Variants in DMXL2 observed in about 807,000 individuals in gnomAD.
DMXL2 encodes dmX-like protein 2.
DMXL2 carries 103 observed loss-of-function variants against 331.1 expected under a neutral mutation model. That is an observed-to-expected ratio of 0.31 (90% CI 0.27 to 0.37). The LOEUF (loss-of-function observed/expected upper bound fraction) is 0.37. DMXL2 is among the 10% of genes least tolerant of loss of function. The pLI, the probability that DMXL2 is intolerant of heterozygous loss-of-function variation, is 1.00. For missense variants in DMXL2, 3,171 were observed against 3,642.9 expected (o/e 0.87, Z 3.33); for synonymous variants, 1,281 against 1,252.1 (o/e 1.02, Z -0.49).
At chr15:51,590,284 A>G (rs990067949) in intron 1 of DMXL2, among the ~76,000 whole-genome samples, 2 of 152,368 alleles carry the variant, frequency 1.3e-5, no homozygotes, top group Non-Finnish European at 2.9e-5. Flanking sequence ...ACTAAAGCCA[A>G]AATGGCTTTA....
chr15:51,569,849 T>C (rs1283504668), intron 2 of DMXL2, among the ~76,000 whole-genome samples: 5 of 152,006 alleles, frequency 3.3e-5, no homozygotes, highest in East Asian at 1.9e-4. Context: ...CAGTGCAAAA[T>C]GGCTGAAAAT....
At chr15:51,501,427 T>C (rs888279949) in intron 17 of DMXL2, among the ~76,000 whole-genome samples, 2 of 152,180 alleles carry the variant, frequency 1.3e-5, no homozygotes, top group Non-Finnish European at 2.9e-5. Context: ...AACTATAGTC[T>C]TTTATCCTAC....
chr15:51,562,980 A>G (rs780472335), intron 6 of DMXL2, among the ~76,000 whole-genome samples: 2 of 152,150 alleles, frequency 1.3e-5, no homozygotes, highest in African/African-American at 2.4e-5. Flanking sequence ...CATGGAAGGA[A>G]ATAGCAAAAT....
At chr15:51,469,068 C>A (rs1434533830) in intron 29 of DMXL2, among the ~76,000 whole-genome samples, 7 of 151,960 alleles carry the variant, frequency 4.6e-5, no homozygotes, top group Non-Finnish European at 2.9e-5. Flanking sequence ...TTGAACAAAT[C>A]AACTATATAA....
chr15:51,556,159 C>T (rs1296841444), intron 6 of DMXL2, among the ~76,000 whole-genome samples: 2 of 150,622 alleles, frequency 1.3e-5, no homozygotes, highest in Non-Finnish European at 3.0e-5. Flanking sequence ...CTGGCTAACA[C>T]GGTGAAACCC....
chr15:51,537,729 C>G lies in DMXL2; in HGVS notation c.1376G>C (p.Gly459Ala), dbSNP rs754854565. 6.2e-7 allele frequency: 1 copy of G among 1,613,432 alleles called. No individual in the cohort carries two copies. The highest frequency in any genetic ancestry group is 1.3e-5 in the African/African-American group (1 of 74,890). ...ATCTTCATGTTCTGATGATCCTGTACCTGCCTCAGATTCTCTATCCAGGGA... is the reference window on the plus strand; with the variant it reads ...ATCTTCATGTTCTGATGATCCTGTAGCTGCCTCAGATTCTCTATCCAGGGA... The part of the protein sequence containing the change: ...DLSLDRESEA[G>A]TGSSEHEDGE... The change falls in exon 11 of 44, where the codon GGT becomes GCT. Residue 459 changes from glycine (G) to alanine (A), a missense_variant. Physicochemically the swap from Gly to Ala is moderately conservative, Grantham distance 60. Around this residue, in one of 7 missense-constraint regions of DMXL2, gnomAD observed 1,674 missense variants for 1,780.2 expected, o/e 0.94. Transcript: ENST00000560891.
chr15:51,449,874 A>G (rs1343961381), intron 43 of DMXL2, among the ~76,000 whole-genome samples: 1 of 151,996 alleles, frequency 6.6e-6, no homozygotes, highest in African/African-American at 2.4e-5. Flanking sequence ...AAACTCATAC[A>G]CTTTACTCAA....
chr15:51,478,663 A>T (rs1400031172), intron 25 of DMXL2, among the ~76,000 whole-genome samples: 1 of 152,188 alleles, frequency 6.6e-6, no homozygotes, highest in African/African-American at 2.4e-5. Flanking sequence ...AATTAGCTTA[A>T]ATAGTAATAT....
intron 13 of DMXL2, among the ~76,000 whole-genome samples, chr15:51,525,930 A>G (rs1283571928): frequency 2.6e-5 from 4 of 151,960 alleles, no homozygotes; most frequent in Admixed American, 2.6e-4. Context: ...AGACTGCAGG[A>G]GCCCCAGGGC....
rs547213250 is a variant in DMXL2 at position 51,464,927 on chromosome 15, C to T, written c.7607-51G>A. 2.1e-6 allele frequency: 3 copies of T among 1,433,004 alleles called. No individual in the cohort carries two copies. The East Asian group carries it at 7.0e-5, about 33-fold the overall frequency. The allele number at this position is 1,433,004 out of a possible 1,614,324, so 88.8% of individuals were successfully genotyped here. A position where few individuals can be genotyped will look rare whatever the true frequency, so the allele number is the denominator to read the frequency against. On this transcript the variant is annotated intron_variant, in intron 31 of 43. Transcript: ENST00000560891. Reference sequence around the variant, plus strand: ...TATTTTAATAAAAAATATCGATCATCACCCAAATATTTATAGAATCTGAAT... The same window carrying T: ...TATTTTAATAAAAAATATCGATCATTACCCAAATATTTATAGAATCTGAAT...
chr15:51,582,491 A>G (rs936651952), intron 1 of DMXL2, among the ~76,000 whole-genome samples: 5 of 152,170 alleles, frequency 3.3e-5, no homozygotes, highest in African/African-American at 1.2e-4. Flanking sequence ...CTGTACCAAG[A>G]GATCTTATAG....
intron 6 of DMXL2, among the ~76,000 whole-genome samples, chr15:51,550,970 T>C (rs1318774955): frequency 6.6e-6 from 1 of 152,134 alleles, no homozygotes; most frequent in African/African-American, 2.4e-5. Context: ...TAATTGAATT[T>C]GAGTCTCACA....
chr15:51,488,757 GAA>G lies in DMXL2; in HGVS notation c.4954-114_4954-113del, dbSNP rs1434307466. On this transcript the variant is annotated intron_variant, in intron 20 of 43. Coordinates refer to ENST00000560891, the MANE Select transcript of DMXL2 (RefSeq NM_001378457.1). ...ATGGCTGATAGAAACTGTGGAGACA[GAA>G]AAAGTTGGTTCTGTTTCACAATCTC... The G allele has an allele frequency of 4.4e-6, 4 of 908,176 alleles. No homozygotes were observed. In the African/African-American group the frequency reaches 6.8e-5, roughly 15 times the overall value. 56.3% of individuals were successfully genotyped at this position (908,176 alleles called of 1,614,324 possible).
chr15:51,475,718 CA>C (rs1445869384), intron 27 of DMXL2, among the ~76,000 whole-genome samples: 1 of 151,678 alleles, frequency 6.6e-6, no homozygotes, highest in East Asian at 1.9e-4. Context: ...GGACAACTGG[CA>C]AAATTCAAAA....
At chr15:51,580,811 T>C (rs138677347) in intron 1 of DMXL2, among the ~76,000 whole-genome samples, 3 of 152,306 alleles carry the variant, frequency 2.0e-5, no homozygotes, top group African/African-American at 7.2e-5. Context: ...AAAAAAACTT[T>C]AAAAATATTA....
intron 1 of DMXL2, among the ~76,000 whole-genome samples, chr15:51,580,417 A>G (rs959553600): frequency 1.3e-5 from 2 of 152,172 alleles, no homozygotes; most frequent in Non-Finnish European, 2.9e-5. Flanking sequence ...TGTGGGAGAT[A>G]GGCCACAGGA....
intron 20 of DMXL2, 64 bp downstream of exon 20, chr15:51,491,514 T>C (rs2042797709): frequency 1.4e-6 from 2 of 1,476,490 alleles, no homozygotes; most frequent in Admixed American, 2.2e-5. Context: ...TGGGAGATAG[T>C]ATCTTTTTTT....
At chr15:51,508,275 A>G (rs2046535362) in intron 15 of DMXL2, among the ~76,000 whole-genome samples, 1 of 152,220 alleles carries the variant, frequency 6.6e-6, no homozygotes, top group African/African-American at 2.4e-5. Flanking sequence ...GTGTAAACCT[A>G]TGTAACAAAC....
intron 29 of DMXL2, among the ~76,000 whole-genome samples, chr15:51,468,277 G>C (rs28415556): frequency 2.6e-5 from 4 of 151,832 alleles, no homozygotes; most frequent in African/African-American, 9.7e-5. Flanking sequence ...TCTCAGTCAC[G>C]GGCAGGAAAT....
Sources: allele counts gnomAD v4.1 joint callset (sites outside exome capture counted in the v4.1 genomes callset), GRCh38; gene constraint gnomAD v4.1.1; regional missense constraint gnomAD v4.1.1; transcripts MANE v1.5; gene names NCBI Gene and HGNC (gene_info 2026-07-23, HGNC 2026-07-21).